The following SEPTIN10 variants were observed in gnomAD, a reference collection of about 807,000 sequenced individuals.
SEPTIN10 encodes septin-10.
SEPTIN10 carries 66 observed loss-of-function variants against 54.8 expected under a neutral mutation model. The observed-to-expected ratio is 1.21, with a 90% CI of 0.99 to 1.48. SEPTIN10 has a LOEUF of 1.48. Among genes scored for constraint, SEPTIN10 ranks in the 40% most tolerant of loss-of-function variants. The probability of loss-of-function intolerance (pLI) is 0.00; values close to 1 mark genes in which losing one functional copy is unlikely to be tolerated. For missense variants in SEPTIN10, 620 were observed against 545.6 expected (o/e 1.14, Z -1.36); for synonymous variants, 161 against 181.0 (o/e 0.89, Z 0.89).
chr2:109,606,392 C>T (rs776318443), intron 1 of SEPTIN10, among the ~76,000 whole-genome samples: 37 of 151,906 alleles, frequency 2.4e-4, no homozygotes, highest in Non-Finnish European at 5.0e-4. Context: ...TCCAGTCTGG[C>T]GACAAAGCAA....
chr2:109,613,772 G>T (rs1292664493), intron 1 of SEPTIN10, 26 bp downstream of exon 1: 3 of 1,213,516 alleles, frequency 2.5e-6, no homozygotes, highest in Non-Finnish European at 3.1e-6. Flanking sequence ...GCGCGGGGCT[G>T]GGGCCCCGGC....
intron 4 of SEPTIN10, among the ~76,000 whole-genome samples, chr2:109,580,989 A>T (rs1426064820): frequency 6.6e-6 from 1 of 152,210 alleles, no homozygotes; most frequent in African/African-American, 2.4e-5. Context: ...AGCACTGCAC[A>T]TCTGGAGAGG....
At chr2:109,562,020 G>A (rs1386358219) in intron 8 of SEPTIN10, among the ~76,000 whole-genome samples, 1 of 151,868 alleles carries the variant, frequency 6.6e-6, no homozygotes, top group Non-Finnish European at 1.5e-5. Flanking sequence ...AGACCAGCCT[G>A]GCCAACATGG....
rs1038096376 is a variant in SEPTIN10, at chr2:109,576,419, T to A, written c.414-1652A>T. ...CGGCCTCAAAAAATGATATTTTTTT[T>A]AATAAGTAAATAAATAAAAGAAATA... On this transcript the variant is annotated intron_variant, in intron 4 of 10. Coordinates refer to ENST00000397712, the MANE Select transcript of SEPTIN10 (RefSeq NM_144710.5). Among the ~76,000 whole-genome samples the A allele has an allele frequency of 7.2e-5, 11 of 152,180 alleles. No individual in the cohort carries two copies. The East Asian group carries it at 9.7e-4, about 13-fold the overall frequency.
intron 4 of SEPTIN10, among the ~76,000 whole-genome samples, chr2:109,575,940 C>T (rs1485574266): frequency 6.6e-6 from 1 of 152,098 alleles, no homozygotes; most frequent in African/African-American, 2.4e-5. Flanking sequence ...GAGACAGTAT[C>T]TTATACATCT....
At chr2:109,605,916 G>C (rs1273994647) in intron 1 of SEPTIN10, among the ~76,000 whole-genome samples, 2 of 152,152 alleles carry the variant, frequency 1.3e-5, no homozygotes, top group African/African-American at 2.4e-5. Context: ...TGTTAAGAAG[G>C]CTGTTAGAAT....
intron 8 of SEPTIN10, among the ~76,000 whole-genome samples, chr2:109,562,292 C>T (rs2105089846): frequency 6.6e-6 from 1 of 151,556 alleles, no homozygotes; most frequent in African/African-American, 2.4e-5. Flanking sequence ...CTGTCACTAC[C>T]CCTCTCTTTC....
intron 1 of SEPTIN10, among the ~76,000 whole-genome samples, chr2:109,603,089 AC>A (rs759923852): frequency 1.6e-4 from 24 of 151,936 alleles, no homozygotes; most frequent in Non-Finnish European, 2.9e-4. Context: ...AACAAAAAAA[AC>A]AAAACAAAAA....
chr2:109,594,409 T>C (rs900457072), intron 1 of SEPTIN10, among the ~76,000 whole-genome samples: 1 of 152,164 alleles, frequency 6.6e-6, no homozygotes, highest in Non-Finnish European at 1.5e-5. Flanking sequence ...AGGCTGTGCA[T>C]GTCTAAGCAG....
chr2:109,577,672 G>T (rs533090570), intron 4 of SEPTIN10, among the ~76,000 whole-genome samples: 46 of 151,902 alleles, frequency 3.0e-4, no homozygotes, highest in African/African-American at 1.1e-3. Flanking sequence ...CAGCACTTTG[G>T]GAGGCCAAGG....
intron 8 of SEPTIN10, among the ~76,000 whole-genome samples, chr2:109,556,218 A>G (rs1462815191): frequency 1.3e-5 from 2 of 152,222 alleles, no homozygotes; most frequent in South Asian, 2.1e-4. Flanking sequence ...AAGCCTTCTT[A>G]TATGTCAGAA....
At chr2:109,565,563 G>C (rs1333210894) in intron 7 of SEPTIN10, among the ~76,000 whole-genome samples, 200 bp downstream of exon 7, 1 of 152,134 alleles carries the variant, frequency 6.6e-6, no homozygotes, top group Non-Finnish European at 1.5e-5. Flanking sequence ...GGTACCGTGG[G>C]GGCGGGGGTA....
chr2:109,552,961 G>A (rs1683362929), intron 9 of SEPTIN10, 126 bp downstream of exon 9: 8 of 1,075,778 alleles, frequency 7.4e-6, no homozygotes, highest in Admixed American at 2.4e-5. Context: ...CTATGTGTTG[G>A]AAAAGCTACT....
intron 2 of SEPTIN10, among the ~76,000 whole-genome samples, chr2:109,586,523 G>A (rs1692589264): frequency 6.6e-6 from 1 of 152,176 alleles, no homozygotes; most frequent in African/African-American, 2.4e-5. Flanking sequence ...CAGATTGGTT[G>A]GGAATTCAGG....
chr2:109,613,958 G>C lies in SEPTIN10; in HGVS notation c.-131C>G, dbSNP rs531889512. On this transcript the variant is annotated 5_prime_UTR_variant, in exon 1 of 11. Transcript: ENST00000397712. ...CGCGAGGCTAGGCTGCCTCCGCGAC[G>C]GGGAAGGGACAGGGGCGGGGCCGAG... The C allele has an allele frequency of 3.4e-4, 407 of 1,210,004 alleles. No homozygotes were observed. Among genetic ancestry groups the C allele is most frequent in the Non-Finnish European group, 4.1e-4 (402 of 974,038 alleles). The allele number at this position is 1,210,004 out of a possible 1,614,324, so 75.0% of individuals were successfully genotyped here.
At chr2:109,589,788 A>G (rs1301501108) in intron 2 of SEPTIN10, among the ~76,000 whole-genome samples, 1 of 151,994 alleles carries the variant, frequency 6.6e-6, no homozygotes, top group East Asian at 1.9e-4. Context: ...ATGTCCACCC[A>G]AGAACTTATG....
chr2:109,608,148 T>C (rs1233872929), intron 1 of SEPTIN10, among the ~76,000 whole-genome samples: 1 of 152,232 alleles, frequency 6.6e-6, no homozygotes, highest in East Asian at 1.9e-4. Context: ...TCAAAAATCA[T>C]TTGAGTAATT....
At chr2:109,545,009 A>C (rs940981848) in intron 10 of SEPTIN10, 1 of 985,470 alleles carries the variant, frequency 1.0e-6, no homozygotes, top group Non-Finnish European at 1.2e-6. Flanking sequence ...TTACTTCTCC[A>C]TATTTAAAAA....
chr2:109,561,374 C>T (rs570973499), intron 8 of SEPTIN10, among the ~76,000 whole-genome samples: 1 of 152,262 alleles, frequency 6.6e-6, no homozygotes, highest in East Asian at 1.9e-4. Flanking sequence ...ACACTGTCTG[C>T]CTCTCCTTTA....
Sources: allele counts gnomAD v4.1 joint callset (sites outside exome capture counted in the v4.1 genomes callset), GRCh38; gene constraint gnomAD v4.1.1; transcripts MANE v1.5; gene names NCBI Gene and HGNC (gene_info 2026-07-23, HGNC 2026-07-21).